Variants in PMEPA1 observed in about 807,000 individuals in gnomAD.
PMEPA1 encodes the protein prostate transmembrane protein, androgen induced 1.
Under a neutral mutation model 23.0 loss-of-function variants are expected in PMEPA1, and 11 were observed. The ratio of observed to expected loss-of-function variants is 0.48; its 90% confidence interval spans 0.30 to 0.79. PMEPA1 has a LOEUF of 0.79. Ranked by LOEUF, PMEPA1 falls within the 30% of genes least tolerant of loss-of-function variation. The probability of loss-of-function intolerance (pLI) is 0.06; values close to 1 mark genes in which losing one functional copy is unlikely to be tolerated. For synonymous variants in PMEPA1, 204 were observed against 166.4 expected, an observed-to-expected ratio of 1.23 and a Z score of -1.74; for missense variants, 377 against 390.9, an observed-to-expected ratio of 0.96 and a Z score of 0.30.
Position 57,655,876 on chromosome 20 carries a change from A to G in PMEPA1, c.265-2790T>C, listed in dbSNP as rs1217348779. On this transcript the variant is annotated intron_variant, in intron 2 of 3. Coordinates refer to ENST00000341744, the MANE Select transcript of PMEPA1 (RefSeq NM_020182.5). This position sits in a 1 kb window ranked among gnomAD's most constrained non-coding sequence, Gnocchi z 4.2. ...TTGTGGGCCGGCGGGTCTCTGTCAT[A>G]CCACTGAACCCTGCTGCTACAGCCA... Among the ~76,000 whole-genome samples, 1 of 152,132 alleles carries G rather than the reference A, an allele frequency of 6.6e-6. No homozygotes were observed. The highest frequency in any genetic ancestry group is 6.5e-5 in the Admixed American group (1 of 15,290).
intron 1 of PMEPA1, among the ~76,000 whole-genome samples, chr20:57,684,139 C>A (rs901344726): frequency 6.6e-6 from 1 of 152,176 alleles, no homozygotes; most frequent in Non-Finnish European, 1.5e-5. Context: ...ACGCCTGACT[C>A]CCCCTCCCCA....
chr20:57,708,439 G>A (rs2072117572), intron 1 of PMEPA1, among the ~76,000 whole-genome samples: 2 of 152,220 alleles, frequency 1.3e-5, no homozygotes, highest in Non-Finnish European at 2.9e-5. Flanking sequence ...CCACCTAGGT[G>A]GGCTGTGTGT....
chr20:57,698,042 G>C (rs1028254880), intron 1 of PMEPA1, among the ~76,000 whole-genome samples: 5 of 152,098 alleles, frequency 3.3e-5, no homozygotes, highest in African/African-American at 7.2e-5. Context: ...ATTTTTTAAA[G>C]AGGCAACATT....
At chr20:57,701,362 A>C (rs1184507387) in intron 1 of PMEPA1, among the ~76,000 whole-genome samples, 1 of 152,204 alleles carries the variant, frequency 6.6e-6, no homozygotes, top group African/African-American at 2.4e-5. Context: ...AGTCTGCAGC[A>C]AGTGTGTGCC....
At position 57,649,091 on chromosome 20, in the gene PMEPA1, G is replaced by C. The variant is rs1401724803; in HGVS notation, c.*2962C>G. 3 of 152,128 alleles carry C rather than the reference G, an allele frequency of 2.0e-5. No homozygotes were observed. The highest frequency in any genetic ancestry group is 7.2e-5 in the African/African-American group (3 of 41,392). The allele number at this position is 152,128 out of a possible 1,614,324, so 9.4% of individuals were successfully genotyped here. Reference sequence around the variant, plus strand: ...TGACAGGCAGGGAGACAGTGACAAGGCTAGAGAAAGCCACGCTCGGCCTTC... The same window carrying C: ...TGACAGGCAGGGAGACAGTGACAAGCCTAGAGAAAGCCACGCTCGGCCTTC... On this transcript the variant is annotated 3_prime_UTR_variant, in exon 4 of 4. Coordinates refer to ENST00000341744, the MANE Select transcript of PMEPA1 (RefSeq NM_020182.5).
At chr20:57,664,407 G>C (rs749400204) in intron 1 of PMEPA1, among the ~76,000 whole-genome samples, 30 of 152,236 alleles carry the variant, frequency 2.0e-4, no homozygotes, top group Non-Finnish European at 3.5e-4. Context: ...CTCTGGGCAG[G>C]CACCGTGAAT....
Position 57,649,098 on chromosome 20 carries a change from A to G in PMEPA1, c.*2955T>C, listed in dbSNP as rs1039553235. On this transcript the variant is annotated 3_prime_UTR_variant, in exon 4 of 4. Transcript: ENST00000341744. ...CAGGGAGACAGTGACAAGGCTAGAG[A>G]AAGCCACGCTCGGCCTTCTCTGAAC... 7.2e-5 allele frequency: 11 copies of G among 152,116 alleles called. No individual in the cohort carries two copies. Among genetic ancestry groups the G allele is most frequent in the Admixed American group, 7.2e-4 (11 of 15,260 alleles). The allele number at this position is 152,116 out of a possible 1,614,324, so 9.4% of individuals were successfully genotyped here. A position where few individuals can be genotyped will look rare whatever the true frequency, so the allele number is the denominator to read the frequency against.
rs376977701 is a variant in PMEPA1, at chr20:57,656,628, G to A, written c.264+2915C>T. ...GGTCGAGGGGCTTGCCTGCACTGGAGCCTCACCCTCAGAGGGCAGATCCTT... is the reference window on the plus strand; with the variant it reads ...GGTCGAGGGGCTTGCCTGCACTGGAACCTCACCCTCAGAGGGCAGATCCTT... On this transcript the variant is annotated intron_variant, in intron 2 of 3. Transcript: ENST00000341744. This position sits in a 1 kb window ranked among gnomAD's most constrained non-coding sequence, Gnocchi z 4.7. Among the ~76,000 whole-genome samples, 93 of 152,282 alleles carry A rather than the reference G, an allele frequency of 6.1e-4. No individual in the cohort carries two copies. Among genetic ancestry groups the A allele is most frequent in the Middle Eastern group, 3.4e-3 (1 of 294 alleles).
chr20:57,690,423 A>C lies in PMEPA1; in HGVS notation c.109+19051T>G, dbSNP rs1415716052. On this transcript the variant is annotated intron_variant, in intron 1 of 3. Transcript: ENST00000341744. Reference sequence around the variant, plus strand: ...ATGTGCTGGAATTGCAGGCATTTTGACTTTTCGCCTGTCATTTATCAAATT... The same window carrying C: ...ATGTGCTGGAATTGCAGGCATTTTGCCTTTTCGCCTGTCATTTATCAAATT... 11 of 1,303,698 alleles carry C rather than the reference A, an allele frequency of 8.4e-6. No homozygotes were observed. In the Admixed American group the frequency reaches 2.5e-4, roughly 30 times the overall value. The allele number at this position is 1,303,698 out of a possible 1,614,324, so 80.8% of individuals were successfully genotyped here. A position where few individuals can be genotyped will look rare whatever the true frequency, so the allele number is the denominator to read the frequency against.
intron 1 of PMEPA1, among the ~76,000 whole-genome samples, chr20:57,698,705 G>T (rs1343071312): frequency 6.6e-6 from 1 of 152,174 alleles, no homozygotes; most frequent in African/African-American, 2.4e-5. Context: ...CCAAGTTCCT[G>T]CAGGGTTCCC....
chr20:57,678,342 T>A (rs1299721227), intron 1 of PMEPA1, among the ~76,000 whole-genome samples: 2 of 152,342 alleles, frequency 1.3e-5, no homozygotes, highest in East Asian at 3.9e-4. Context: ...AACCGCATGC[T>A]AACAAACAAT....
chr20:57,705,328 G>A (rs757374696), intron 1 of PMEPA1, among the ~76,000 whole-genome samples: 5 of 152,172 alleles, frequency 3.3e-5, no homozygotes, highest in African/African-American at 4.8e-5. Context: ...CCTAAGATTC[G>A]GGTCATAGAA....
chr20:57,680,786 T>C (rs556413444), intron 1 of PMEPA1, among the ~76,000 whole-genome samples: 1 of 152,354 alleles, frequency 6.6e-6, no homozygotes, highest in African/African-American at 2.4e-5. Flanking sequence ...TTCTGTAGGC[T>C]GGAGTCGCAA....
intron 1 of PMEPA1, among the ~76,000 whole-genome samples, chr20:57,670,761 G>A (rs184945586): frequency 5.1e-4 from 78 of 152,264 alleles, no homozygotes; most frequent in Middle Eastern, 3.4e-3. Context: ...CTTTTCACTG[G>A]TACCCTGTTC....
At chr20:57,663,160 T>C (rs2071446742) in intron 1 of PMEPA1, among the ~76,000 whole-genome samples, 1 of 152,012 alleles carries the variant, frequency 6.6e-6, no homozygotes, top group African/African-American at 2.4e-5. Context: ...AAAATTCACA[T>C]GGGAGAGGAG....
At position 57,704,975 on chromosome 20, in the gene PMEPA1, AG is replaced by A. The variant is rs1239309583; in HGVS notation, c.109+4498del. Among the ~76,000 whole-genome samples the A allele has an allele frequency of 6.6e-6, 1 of 152,074 alleles. No homozygotes were observed. The highest frequency in any genetic ancestry group is 1.5e-5 in the Non-Finnish European group (1 of 67,998). Reference sequence around the variant, plus strand: ...GGTCCACCTTCCTTCTTTTATGGAGAGGGTGCATACCTTCGCACCTCTTACA... The same window carrying A: ...GGTCCACCTTCCTTCTTTTATGGAGAGGTGCATACCTTCGCACCTCTTACA... On this transcript the variant is annotated intron_variant, in intron 1 of 3. Coordinates refer to ENST00000341744, the MANE Select transcript of PMEPA1 (RefSeq NM_020182.5). The surrounding 1 kb of genome is among the most constrained non-coding windows in gnomAD (Gnocchi z 4.6).
At chr20:57,661,793 T>C (rs373886436) in intron 1 of PMEPA1, among the ~76,000 whole-genome samples, 1 of 152,218 alleles carries the variant, frequency 6.6e-6, no homozygotes, top group Non-Finnish European at 1.5e-5. Flanking sequence ...TAGGTGGGAA[T>C]GTCACTGTCT....
intron 1 of PMEPA1, among the ~76,000 whole-genome samples, chr20:57,669,657 G>GT (rs1436703930): frequency 6.6e-6 from 1 of 152,164 alleles, no homozygotes; most frequent in Non-Finnish European, 1.5e-5. Flanking sequence ...CAACAAATAT[G>GT]TTTTTAAAAA....
intron 1 of PMEPA1, chr20:57,700,006 A>G (rs535910459): frequency 4.5e-4 from 210 of 471,022 alleles, no homozygotes; most frequent in Non-Finnish European, 7.6e-4. Flanking sequence ...CTCTAAATAT[A>G]AAAACACACC....
Sources: gnomAD v4.1 joint callset for allele counts (sites outside exome capture counted in the v4.1 genomes callset) on GRCh38, gnomAD v4.1.1 for gene constraint, Gnocchi (gnomAD v3.1) non-coding constraint, MANE v1.5 for transcripts, NCBI Gene and HGNC (gene_info 2026-07-23, HGNC 2026-07-21) for gene names.